MACC1: variants seen among roughly 807,000 people sequenced by gnomAD.
MACC1 encodes the protein MET transcriptional regulator MACC1.
MACC1 carries 79 observed loss-of-function variants against 70.7 expected under a neutral mutation model. That is an observed-to-expected ratio of 1.12 (90% CI 0.93 to 1.35). The LOEUF is 1.35. Among genes scored for constraint, MACC1 ranks in the 40% most tolerant of loss-of-function variants. The pLI, the probability that MACC1 is intolerant of heterozygous loss-of-function variation, is 0.00. For synonymous variants in MACC1, 361 were observed against 347.2 expected (o/e 1.04, Z -0.44); for missense variants, 1,106 against 978.1 (o/e 1.13, Z -1.74).
chr7:20,190,704 A>C (rs903398762), intron 1 of MACC1, among the ~76,000 whole-genome samples: 1 of 152,208 alleles, frequency 6.6e-6, no homozygotes, highest in African/African-American at 2.4e-5. Context: ...TTTCATCACA[A>C]GCTCTTTTCC....
intron 1 of MACC1, among the ~76,000 whole-genome samples, chr7:20,182,664 T>C (rs3094993): frequency 0.33 from 50,805 of 151,976 alleles, 9,826 homozygotes; most frequent in East Asian, 0.83. Flanking sequence ...CTTGCTACCG[T>C]CCAAGACCAT....
At chr7:20,147,555 A>G (rs751519466) in intron 6 of MACC1, 3 of 152,312 alleles carry the variant, frequency 2.0e-5, no homozygotes, top group Non-Finnish European at 4.4e-5. Context: ...TTAACACTTA[A>G]CATTTAACAT....
Position 20,135,188 on chromosome 7 carries a change from A to T in MACC1, c.*5758T>A, listed in dbSNP as rs1407512912. 6.6e-6 allele frequency: 1 copy of T among 152,262 alleles called. No individual in the cohort carries two copies. The allele number at this position is 152,262 out of a possible 1,614,324, so 9.4% of individuals were successfully genotyped here. A position where few individuals can be genotyped will look rare whatever the true frequency, so the allele number is the denominator to read the frequency against. ...AATGTTACATATATTTTGTAAAATTATCTTAAAATTATACTGAATACATGT... is the reference window on the plus strand; with the variant it reads ...AATGTTACATATATTTTGTAAAATTTTCTTAAAATTATACTGAATACATGT... On this transcript the variant is annotated 3_prime_UTR_variant, in exon 7 of 7. Transcript: ENST00000400331.
chr7:20,141,873 C>G (rs1051953119), intron 6 of MACC1: 1 of 151,634 alleles, frequency 6.6e-6, no homozygotes, highest in Non-Finnish European at 1.5e-5. Context: ...ACCAAGGCAA[C>G]CAGGCTAGAG....
chr7:20,201,224 G>T (rs79124256), intron 1 of MACC1, among the ~76,000 whole-genome samples: 2,125 of 151,930 alleles, frequency 0.014, 50 homozygotes, highest in African/African-American at 0.048. Context: ...GGCCAAGAGG[G>T]GCTCTCAGAC....
At chr7:20,185,885 A>G (rs1053256033) in intron 1 of MACC1, among the ~76,000 whole-genome samples, 1 of 152,188 alleles carries the variant, frequency 6.6e-6, no homozygotes, top group African/African-American at 2.4e-5. Flanking sequence ...CATAGAGATT[A>G]ATTAACCTAC....
chr7:20,145,675 G>A (rs977714797), intron 6 of MACC1, among the ~76,000 whole-genome samples: 1 of 152,106 alleles, frequency 6.6e-6, no homozygotes, highest in African/African-American at 2.4e-5. Context: ...AAGAAGAAAG[G>A]TTAACTTCCT....
chr7:20,211,716 A>T (rs944955442), intron 1 of MACC1, among the ~76,000 whole-genome samples: 3 of 152,216 alleles, frequency 2.0e-5, no homozygotes, highest in Admixed American at 1.3e-4. Context: ...AATATCTCAT[A>T]AAGTTGAAGG....
intron 1 of MACC1, among the ~76,000 whole-genome samples, chr7:20,215,767 T>C (rs1339497829): frequency 2.0e-5 from 3 of 152,230 alleles, no homozygotes; most frequent in Non-Finnish European, 4.4e-5. Context: ...AAATGTCTTT[T>C]GTCCTCCAAA....
chr7:20,201,349 T>C (rs930743440), intron 1 of MACC1, among the ~76,000 whole-genome samples: 12 of 152,100 alleles, frequency 7.9e-5, no homozygotes, highest in African/African-American at 2.7e-4. Flanking sequence ...CAGGATGAAG[T>C]GCTTCAGGTA....
At position 20,140,901 on chromosome 7, in the gene MACC1, A is replaced by ACC. The variant is rs762493751; in HGVS notation, c.*43_*44dup. 4.1e-6 allele frequency: 6 copies of ACC among 1,452,528 alleles called. No individual in the cohort carries two copies. Among genetic ancestry groups the ACC allele is most frequent in the African/African-American group, 1.4e-5 (1 of 71,220 alleles). 90.0% of individuals were successfully genotyped at this position (1,452,528 alleles called of 1,614,324 possible). On this transcript the variant is annotated 3_prime_UTR_variant, in exon 7 of 7. Coordinates refer to ENST00000400331, the MANE Select transcript of MACC1 (RefSeq NM_182762.4). Reference sequence around the variant, plus strand: ...CACACACAGACACACACACACACACACCATTACCTCATTTTCCCTCCCATC... The same window carrying ACC: ...CACACACAGACACACACACACACACACCCCATTACCTCATTTTCCCTCCCATC...
rs1242734620 is a variant in MACC1, at chr7:20,135,814, T to C, written c.*5132A>G. 1 of 152,194 alleles carries C rather than the reference T, an allele frequency of 6.6e-6. No homozygotes were observed. The highest frequency in any genetic ancestry group is 1.5e-5 in the Non-Finnish European group (1 of 68,036). 9.4% of individuals were successfully genotyped at this position (152,194 alleles called of 1,614,324 possible). ...TACTCAAGCACCATACTGTAGTTTG[T>C]TTTAAACAGCTGGAAGTCACCAATT... On this transcript the variant is annotated 3_prime_UTR_variant, in exon 7 of 7. Coordinates refer to ENST00000400331, the MANE Select transcript of MACC1 (RefSeq NM_182762.4).
chr7:20,200,513 G>A (rs895351224), intron 1 of MACC1, among the ~76,000 whole-genome samples: 3 of 152,170 alleles, frequency 2.0e-5, no homozygotes, highest in African/African-American at 7.2e-5. Context: ...AATTTAACAG[G>A]CAAGAGTGCG....
chr7:20,159,053 A>G lies in MACC1; in HGVS notation c.1308T>C (p.Ser436=). Residue 436 remains serine (S), a synonymous_variant, in exon 5 of 7, where the codon TCT becomes TCC. Transcript: ENST00000400331. ...LLDKPQDLSI[S]IFSCDPDFEV... Reference sequence around the variant, plus strand: ...CAAAATCAGGATCACAGGAAAAAATAGAAATACTTAAATCTTGTGGCTTGT... The same window carrying G: ...CAAAATCAGGATCACAGGAAAAAATGGAAATACTTAAATCTTGTGGCTTGT... 2 of 1,613,810 alleles carry G rather than the reference A, an allele frequency of 1.2e-6. No homozygotes were observed. Among genetic ancestry groups the G allele is most frequent in the Non-Finnish European group, 1.7e-6 (2 of 1,179,984 alleles).
At chr7:20,153,809 G>A (rs192002579) in intron 6 of MACC1, among the ~76,000 whole-genome samples, 209 of 152,242 alleles carry the variant, frequency 1.4e-3, no homozygotes, top group Non-Finnish European at 2.2e-3. Flanking sequence ...GCCTGAGGCC[G>A]ATAAGTACAT....
At chr7:20,155,937 A>G (rs2108294) in intron 5 of MACC1, among the ~76,000 whole-genome samples, 99,695 of 152,124 alleles carry the variant, frequency 0.66, 33,877 homozygotes, top group East Asian at 0.87. Flanking sequence ...TCCACATAGT[A>G]TAAGACTTTA....
At chr7:20,183,177 C>T (rs951135103) in intron 1 of MACC1, among the ~76,000 whole-genome samples, 1 of 152,148 alleles carries the variant, frequency 6.6e-6, no homozygotes, top group African/African-American at 2.4e-5. Flanking sequence ...GCAGAATCTT[C>T]TCTAGCTCGT....
At position 20,140,884 on chromosome 7, in the gene MACC1, G is replaced by GACACACAC; in HGVS notation, c.*54_*61dup. 4 of 984,888 alleles carry GACACACAC rather than the reference G, an allele frequency of 4.1e-6. No homozygotes were observed. In the South Asian group the frequency reaches 5.0e-5, roughly 12 times the overall value. The allele number at this position is 984,888 out of a possible 1,614,324, so 61.0% of individuals were successfully genotyped here. ...ACAGAGACACACACAGACACACACA[G>GACACACAC]ACACACACACACACACACCATTACC... On this transcript the variant is annotated 3_prime_UTR_variant, in exon 7 of 7. Transcript: ENST00000400331.
chr7:20,175,534 T>C (rs1332798207), intron 1 of MACC1, among the ~76,000 whole-genome samples: 3 of 152,160 alleles, frequency 2.0e-5, no homozygotes, highest in Non-Finnish European at 2.9e-5. Flanking sequence ...TCAAATGTAT[T>C]GCAAAATTAG....
Sources: gnomAD v4.1 joint callset for allele counts (sites outside exome capture counted in the v4.1 genomes callset) on GRCh38, gnomAD v4.1.1 for gene constraint, MANE v1.5 for transcripts, NCBI Gene and HGNC (gene_info 2026-07-23, HGNC 2026-07-21) for gene names.